Variants in SERGEF observed in about 807,000 individuals in gnomAD.
SERGEF encodes secretion-regulating guanine nucleotide exchange factor.
Under a neutral mutation model 50.0 loss-of-function variants are expected in SERGEF, and 51 were observed. The observed-to-expected ratio is 1.02, with a 90% CI of 0.81 to 1.29. The LOEUF (loss-of-function observed/expected upper bound fraction) is 1.29. Among genes scored for constraint, SERGEF ranks in the 50% most tolerant of loss-of-function variants. The probability of loss-of-function intolerance (pLI) is 0.00; values close to 1 mark genes in which losing one functional copy is unlikely to be tolerated. For missense variants in SERGEF, 521 were observed against 557.0 expected, an observed-to-expected ratio of 0.94 and a Z score of 0.65; for synonymous variants, 205 against 212.4, an observed-to-expected ratio of 0.97 and a Z score of 0.30.
chr11:17,930,537 G>A (rs1852332890), intron 9 of SERGEF, among the ~76,000 whole-genome samples: 1 of 152,180 alleles, frequency 6.6e-6, no homozygotes, highest in Non-Finnish European at 1.5e-5. Flanking sequence ...CAGAGACTGA[G>A]CCCATTCCTT....
chr11:17,878,665 T>C (rs1378765175), intron 9 of SERGEF, among the ~76,000 whole-genome samples: 2 of 152,196 alleles, frequency 1.3e-5, no homozygotes, highest in African/African-American at 4.8e-5. Flanking sequence ...GAGCAAAGAA[T>C]TCAGTGGAAA....
At chr11:17,847,518 T>A (rs1025960338) in intron 10 of SERGEF, among the ~76,000 whole-genome samples, 4 of 152,226 alleles carry the variant, frequency 2.6e-5, no homozygotes, top group African/African-American at 9.6e-5. Context: ...AAAATAAAAC[T>A]GACCTTAAAG....
At chr11:17,973,401 A>AC (rs1245053555) in intron 8 of SERGEF, among the ~76,000 whole-genome samples, 1 of 152,102 alleles carries the variant, frequency 6.6e-6, no homozygotes, top group Non-Finnish European at 1.5e-5. Flanking sequence ...AAGACATCCC[A>AC]CAACCCCCTA....
At chr11:17,984,282 C>T (rs893054311) in intron 8 of SERGEF, among the ~76,000 whole-genome samples, 4 of 152,050 alleles carry the variant, frequency 2.6e-5, no homozygotes, top group African/African-American at 4.8e-5. Context: ...AAGCATAGTT[C>T]GAGCATTAGC....
intron 10 of SERGEF, among the ~76,000 whole-genome samples, chr11:17,813,812 G>A (rs1849915853): frequency 6.6e-6 from 1 of 152,224 alleles, no homozygotes; most frequent in Non-Finnish European, 1.5e-5. Context: ...AGGATATGGA[G>A]GAAAACTCGT....
chr11:18,008,718 T>TAGAGAG (rs1854134005), intron 1 of SERGEF, among the ~76,000 whole-genome samples: 5 of 151,652 alleles, frequency 3.3e-5, no homozygotes, highest in African/African-American at 1.2e-4. Flanking sequence ...AGTTCTGGGC[T>TAGAGAG]ACGAGTCGTT....
At position 17,889,900 on chromosome 11, in the gene SERGEF, G is replaced by A. The variant is rs909183549; in HGVS notation, c.1012-11656C>T. Among the ~76,000 whole-genome samples, 14 of 151,984 alleles carry A rather than the reference G, an allele frequency of 9.2e-5. 1 individual carries two copies. Among genetic ancestry groups the A allele is most frequent in the South Asian group, 2.1e-4 (1 of 4,820 alleles). Reference sequence around the variant, plus strand: ...TAGAATAATGGTTATTTTGGGATAGGTATATCCAGGAAGCTTACTGAAGTG... The same window carrying A: ...TAGAATAATGGTTATTTTGGGATAGATATATCCAGGAAGCTTACTGAAGTG... On this transcript the variant is annotated intron_variant, in intron 9 of 10. Coordinates refer to ENST00000265965, the MANE Select transcript of SERGEF (RefSeq NM_012139.4).
At chr11:17,821,553 T>C (rs1850083307) in intron 10 of SERGEF, among the ~76,000 whole-genome samples, 1 of 152,190 alleles carries the variant, frequency 6.6e-6, no homozygotes, top group South Asian at 2.1e-4. Flanking sequence ...TCAAACATAA[T>C]ATGCTATGTC....
chr11:17,999,910 C>T (rs1181298778), intron 5 of SERGEF, among the ~76,000 whole-genome samples: 4 of 152,222 alleles, frequency 2.6e-5, no homozygotes, highest in Non-Finnish European at 5.9e-5. Context: ...ACTCGCATCA[C>T]TTCCTGGTTG....
At chr11:17,943,762 T>C (rs1343157417) in intron 9 of SERGEF, among the ~76,000 whole-genome samples, 8 of 152,228 alleles carry the variant, frequency 5.3e-5, no homozygotes, top group Admixed American at 5.2e-4. Context: ...ACTTTCATTA[T>C]TGTTCGAAGT....
At chr11:17,845,871 G>T (rs1001577536) in intron 10 of SERGEF, among the ~76,000 whole-genome samples, 1 of 152,182 alleles carries the variant, frequency 6.6e-6, no homozygotes, top group African/African-American at 2.4e-5. Flanking sequence ...TTGCAGTTCT[G>T]ATAGTCACCA....
At chr11:17,934,812 G>T (rs1001598327) in intron 9 of SERGEF, among the ~76,000 whole-genome samples, 1 of 152,140 alleles carries the variant, frequency 6.6e-6, no homozygotes, top group Non-Finnish European at 1.5e-5. Flanking sequence ...TTTGAAGAAA[G>T]AAAACTTCAT....
chr11:17,942,422 G>A (rs946146706), intron 9 of SERGEF, among the ~76,000 whole-genome samples: 2 of 151,788 alleles, frequency 1.3e-5, no homozygotes, highest in Non-Finnish European at 2.9e-5. Context: ...CCAATTCTTT[G>A]ATGCTGCTAT....
chr11:17,972,053 C>A (rs1853258243), intron 8 of SERGEF, among the ~76,000 whole-genome samples: 1 of 152,212 alleles, frequency 6.6e-6, no homozygotes, highest in Admixed American at 6.5e-5. Flanking sequence ...TGAGTTGCTG[C>A]AATCTCATGA....
chr11:17,878,098 AAC>A, intron 10 of SERGEF, 108 bp downstream of exon 10: 1 of 762,942 alleles, frequency 1.3e-6, no homozygotes, highest in Non-Finnish European at 2.2e-6. Context: ...AATCTCCCCT[AAC>A]ACACATGCAT....
At chr11:17,836,016 G>A (rs1228896135) in intron 10 of SERGEF, among the ~76,000 whole-genome samples, 1 of 152,174 alleles carries the variant, frequency 6.6e-6, no homozygotes, top group Non-Finnish European at 1.5e-5. Context: ...TTTAAGAGCT[G>A]GAATTAGAAC....
chr11:17,836,783 A>G (rs946873728), intron 10 of SERGEF, among the ~76,000 whole-genome samples: 2 of 152,032 alleles, frequency 1.3e-5, no homozygotes, highest in Admixed American at 6.6e-5. Flanking sequence ...TACTTCCCCT[A>G]TGAAAAGTAA....
chr11:17,965,771 C>G (rs192997844), intron 8 of SERGEF, among the ~76,000 whole-genome samples: 324 of 152,304 alleles, frequency 2.1e-3, no homozygotes, highest in Non-Finnish European at 2.8e-3. Flanking sequence ...AATCCAACCA[C>G]CTCCCTACCT....
intron 9 of SERGEF, among the ~76,000 whole-genome samples, chr11:17,929,092 C>A (rs145864110): frequency 6.6e-6 from 1 of 152,228 alleles, no homozygotes; most frequent in Non-Finnish European, 1.5e-5. Flanking sequence ...TTTGGACCAC[C>A]CACTTTTGTG....
Sources: allele counts gnomAD v4.1 joint callset (sites outside exome capture counted in the v4.1 genomes callset), GRCh38; gene constraint gnomAD v4.1.1; transcripts MANE v1.5; gene names NCBI Gene and HGNC (gene_info 2026-07-23, HGNC 2026-07-21).